The following PRG3 variants were observed in gnomAD, a reference collection of about 807,000 sequenced individuals.
PRG3 encodes proteoglycan 3.
Under a neutral mutation model 26.1 loss-of-function variants are expected in PRG3, and 25 were observed. The observed-to-expected ratio is 0.96, with a 90% CI of 0.70 to 1.34. The LOEUF (loss-of-function observed/expected upper bound fraction) is 1.34, where lower values mean the gene tolerates loss of function less well. Among genes scored for constraint, PRG3 ranks in the 40% most tolerant of loss-of-function variants. The pLI is 0.00. For synonymous variants in PRG3, 111 were observed against 100.4 expected (o/e 1.11, Z -0.63); for missense variants, 280 against 264.8 (o/e 1.06, Z -0.40).
Position 57,380,422 on chromosome 11 carries a change from A to AC in PRG3, c.61+225_61+226insG, listed in dbSNP as rs1392268195. Among the ~76,000 whole-genome samples the AC allele has an allele frequency of 6.4e-4, 86 of 133,908 alleles. 1 individual carries two copies. The highest frequency in any genetic ancestry group is 3.0e-3 in the African/African-American group (74 of 25,020). The allele number at this position is 133,908 out of a possible 152,430, so 87.8% of individuals were successfully genotyped here. A position where few individuals can be genotyped will look rare whatever the true frequency, so the allele number is the denominator to read the frequency against. ...CTCAAAACAAAACAAAAAACAAACA[A>AC]AAAAAAAAACAAAAACAACAACAAC... is the stretch of plus-strand genomic sequence containing the variant. On this transcript the variant is annotated intron_variant, in intron 2 of 5. Transcript: ENST00000287143.
In PRG3 at chr11:57,376,828, G is replaced by A. The variant is rs1245786383; in HGVS notation, c.*22C>T. ...GTTGGGGGACGGGAGGGAGCTGCTG[G>A]CAGGGTCTCCGTGCCGCTGGCTTAG... On this transcript the variant is annotated 3_prime_UTR_variant, in exon 6 of 6. Coordinates refer to ENST00000287143, the MANE Select transcript of PRG3 (RefSeq NM_006093.4). 6.2e-7 allele frequency: 1 copy of A among 1,611,922 alleles called. No homozygotes were observed.
chr11:57,380,697 G>A lies in PRG3; in HGVS notation c.12C>T (p.Leu4=), dbSNP rs775892893. Residue 4 remains leucine (L), a synonymous_variant, in exon 2 of 6, where the codon CTC becomes CTT. Coordinates refer to ENST00000287143, the MANE Select transcript of PRG3 (RefSeq NM_006093.4). MQC[L]LLLPFLLLGT... The stretch of plus-strand genomic sequence containing the variant: ...CCAGCAGGAGAAAGGGCAGGAGCAA[G>A]AGGCATTGCATATCTACTGTCTTTT... The A allele has an allele frequency of 1.9e-6, 3 of 1,571,112 alleles. No homozygotes were observed. The South Asian group carries it at 3.6e-5, about 19-fold the overall frequency.
chr11:57,380,331 C>T (rs1293392888), intron 2 of PRG3, among the ~76,000 whole-genome samples: 3 of 151,292 alleles, frequency 2.0e-5, no homozygotes, highest in Admixed American at 6.6e-5. Flanking sequence ...ACCCGGGAGG[C>T]GGAGTTTGTG....
Position 57,380,669 on chromosome 11 carries a change from T to C in PRG3, c.40A>G (p.Thr14Ala). 2 of 1,579,166 alleles carry C rather than the reference T, an allele frequency of 1.3e-6. No individual in the cohort carries two copies. Among genetic ancestry groups the C allele is most frequent in the African/African-American group, 1.4e-5 (1 of 72,810 alleles). The change falls in exon 2 of 6, where the codon ACA becomes GCA. Residue 14 changes from threonine to alanine, a missense_variant. By Grantham distance (58) the Thr-to-Ala change is moderately conservative. Coordinates refer to ENST00000287143, the MANE Select transcript of PRG3 (RefSeq NM_006093.4). ...LLLLPFLLLG[T>A]VSALHLENDA... ...TTACCCAGATGAAGAGCAGAAACTG[T>C]TCCCAGCAGGAGAAAGGGCAGGAGC...
At chr11:57,378,587 C>T in intron 4 of PRG3, 94 bp downstream of exon 4, 5 of 1,507,588 alleles carry the variant, frequency 3.3e-6, no homozygotes, top group Non-Finnish European at 4.5e-6. Context: ...ATTAAGGAAA[C>T]CTTAGCTGCT....
chr11:57,378,890 C>T lies in PRG3; in HGVS notation c.376-78G>A, dbSNP rs566965759. 14 of 1,564,986 alleles carry T rather than the reference C, an allele frequency of 8.9e-6. No individual in the cohort carries two copies. In the African/African-American group the frequency reaches 1.4e-4, roughly 15 times the overall value. ...AGTCTCCAGGCAAGAGCCCGGCATC[C>T]CTTTTCAGGTTAAAAATAAACCTAC... On this transcript the variant is annotated intron_variant, in intron 3 of 5. Transcript: ENST00000287143.
rs756711294 is a variant in PRG3, at chr11:57,376,831, G to T, written c.*19C>A. The T allele has an allele frequency of 6.2e-7, 1 of 1,612,086 alleles. No homozygotes were observed. Among genetic ancestry groups the T allele is most frequent in the Non-Finnish European group, 8.5e-7 (1 of 1,179,680 alleles). On this transcript the variant is annotated 3_prime_UTR_variant, in exon 6 of 6. Coordinates refer to ENST00000287143, the MANE Select transcript of PRG3 (RefSeq NM_006093.4). The stretch of plus-strand genomic sequence containing the variant: ...GGGGGACGGGAGGGAGCTGCTGGCA[G>T]GGTCTCCGTGCCGCTGGCTTAGAAG...
At chr11:57,377,883 G>A (rs200414081) in intron 4 of PRG3, 47 bp from the exon 5 acceptor site, 2 of 1,501,370 alleles carry the variant, frequency 1.3e-6, no homozygotes, top group East Asian at 2.3e-5. Flanking sequence ...TCAGATCCAG[G>A]ACCTCATGGA....
Position 57,380,727 on chromosome 11 carries a change from A to T in PRG3, c.-19T>A, listed in dbSNP as rs1372245140. On this transcript the variant is annotated 5_prime_UTR_variant, in exon 2 of 6. Transcript: ENST00000287143. Reference sequence around the variant, plus strand: ...ATTGCATATCTACTGTCTTTTAGCGAGGACACTACTCCACCGTCCTTCTTG... The same window carrying T: ...ATTGCATATCTACTGTCTTTTAGCGTGGACACTACTCCACCGTCCTTCTTG... The T allele has an allele frequency of 1.3e-6, 2 of 1,515,740 alleles. No homozygotes were observed. The highest frequency in any genetic ancestry group is 5.0e-5 in the East Asian group (2 of 40,142). The allele number at this position is 1,515,740 out of a possible 1,614,324, so 93.9% of individuals were successfully genotyped here.
Position 57,376,898 on chromosome 11 carries a change from C to T in PRG3, c.630G>A (p.Trp210Ter), listed in dbSNP as rs764623874. 6.2e-7 allele frequency: 1 copy of T among 1,612,320 alleles called. No homozygotes were observed. Residue 210 changes from tryptophan (W) to a stop codon, truncating the protein, a stop_gained, in exon 6 of 6, where the codon TGG becomes TGA. Coordinates refer to ENST00000287143, the MANE Select transcript of PRG3 (RefSeq NM_006093.4). LOFTEE classifies it low-confidence loss of function (END_TRUNC). ...CVALCTKGGY[W>*]RRAQCDKQLP... is the part of the protein sequence containing the mutation. ...GTTGCTTGTCGCATTGAGCTCGTCG[C>T]CAATAACCTCCTAGCAGCACAGAGC...
At position 57,379,648 on chromosome 11, in the gene PRG3, T is replaced by A. The variant is rs767350734; in HGVS notation, c.221A>T (p.Glu74Val). Residue 74 changes from glutamate (E) to valine (V), a missense_variant, in exon 3 of 6, where the codon GAG becomes GTG. Transcript: ENST00000287143. The part of the protein sequence containing the change: ...VKASACQDNF[E>V]DEEAMESDPA... ...GTCCGACTCCATGGCTTCCTCATCC[T>A]CAAAGTTGTCTTGACAGGCAGAAGC... 85 of 1,613,960 alleles carry A rather than the reference T, an allele frequency of 5.3e-5. No individual in the cohort carries two copies. In the East Asian group the frequency reaches 1.8e-3, roughly 35 times the overall value.
chr11:57,380,108 C>A (rs773791399), intron 2 of PRG3, among the ~76,000 whole-genome samples: 1 of 152,150 alleles, frequency 6.6e-6, no homozygotes, highest in South Asian at 2.1e-4. Context: ...TCTGAAAGTT[C>A]AGGTTACAGT....
intron 2 of PRG3, 64 bp downstream of exon 2, chr11:57,380,584 G>A: frequency 7.1e-7 from 1 of 1,398,670 alleles, no homozygotes. Context: ...AAAAGCGGGG[G>A]GAGGGGAGTG....
chr11:57,379,714 A>T lies in PRG3; in HGVS notation c.155T>A (p.Leu52Gln). The change falls in exon 3 of 6, where the codon CTG becomes CAG. Residue 52 changes from leucine to glutamine, a missense_variant. Transcript: ENST00000287143. ...CTCTGCCTGAATCACCTCCTCCGTCAGAGCCAAGTCTCTCTCCTGCTCCTT... is the reference window on the plus strand; with the variant it reads ...CTCTGCCTGAATCACCTCCTCCGTCTGAGCCAAGTCTCTCTCCTGCTCCTT... ...SSKEQERDLA[L>Q]TEEVIQAEGE... 1 of 1,613,984 alleles carries T rather than the reference A, an allele frequency of 6.2e-7. No individual in the cohort carries two copies. Among genetic ancestry groups the T allele is most frequent in the East Asian group, 2.2e-5 (1 of 44,878 alleles).
chr11:57,378,898 G>A, intron 3 of PRG3, 86 bp from the exon 4 acceptor site: 3 of 1,538,934 alleles, frequency 1.9e-6, no homozygotes, highest in African/African-American at 1.4e-5. Context: ...TCCCTTTTCA[G>A]GTTAAAAATA....
chr11:57,379,858 C>A (rs1167640707), intron 2 of PRG3, 51 bp from the exon 3 acceptor site: 3 of 1,498,784 alleles, frequency 2.0e-6, no homozygotes, highest in Non-Finnish European at 1.8e-6. Context: ...CTAGTTCCAG[C>A]ACCGTGGACA....
intron 5 of PRG3, among the ~76,000 whole-genome samples, chr11:57,377,226 T>G (rs1221842968): frequency 6.6e-6 from 1 of 152,208 alleles, no homozygotes; most frequent in African/African-American, 2.4e-5. Context: ...AACGTGCCTG[T>G]ATCTCAGTTG....
At chr11:57,377,892 G>T in intron 4 of PRG3, 56 bp from the exon 5 acceptor site, 1 of 1,436,646 alleles carries the variant, frequency 7.0e-7, no homozygotes, top group Non-Finnish European at 9.7e-7. Context: ...GGACCTCATG[G>T]AATACCCCCT....
In PRG3 at chr11:57,376,821, G is replaced by C; in HGVS notation, c.*29C>G. ...AGGAGAGGTTGGGGGACGGGAGGGA[G>C]CTGCTGGCAGGGTCTCCGTGCCGCT... On this transcript the variant is annotated 3_prime_UTR_variant, in exon 6 of 6. Coordinates refer to ENST00000287143, the MANE Select transcript of PRG3 (RefSeq NM_006093.4). 4.3e-6 allele frequency: 7 copies of C among 1,610,796 alleles called. No homozygotes were observed. In the South Asian group the frequency reaches 7.7e-5, roughly 18 times the overall value.
Sources: allele counts gnomAD v4.1 joint callset (sites outside exome capture counted in the v4.1 genomes callset), GRCh38; gene constraint gnomAD v4.1.1; transcripts MANE v1.5; gene names NCBI Gene and HGNC (gene_info 2026-07-23, HGNC 2026-07-21).